Variants in CELF4 observed in about 807,000 individuals in gnomAD.
CELF4 encodes the protein CUG-BP- and ETR-3-like factor 4.
In CELF4, 18 loss-of-function variants were observed where a neutral mutation model predicts 59.9. The observed-to-expected ratio is 0.30, with a 90% CI of 0.21 to 0.45. CELF4 has a LOEUF of 0.45. CELF4 is among the 20% of genes least tolerant of loss of function. The pLI is 1.00. For missense variants in CELF4, 456 were observed against 689.0 expected (o/e 0.66, Z 3.79); for synonymous variants, 261 against 267.1 (o/e 0.98, Z 0.22).
At chr18:37,412,602 G>T (rs764070332) in intron 2 of CELF4, among the ~76,000 whole-genome samples, 4 of 152,080 alleles carry the variant, frequency 2.6e-5, no homozygotes, top group Non-Finnish European at 5.9e-5. Flanking sequence ...GGGTACGTGT[G>T]TGTGGATGGG....
In CELF4 at chr18:37,392,657, G is replaced by A. The variant is rs566639597; in HGVS notation, c.370-70776C>T. The stretch of plus-strand genomic sequence containing the variant: ...CTCCCTAGCAGACCATTTAATTCCT[G>A]GTCCCCAAAGCATTGGACCCAAATG... On this transcript the variant is annotated intron_variant, in intron 2 of 12. Transcript: ENST00000420428. 6.6e-5 allele frequency among the ~76,000 whole-genome samples: 10 copies of A among 152,276 alleles called. No homozygotes were observed. The South Asian group carries it at 2.1e-3, about 32-fold the overall frequency.
intron 1 of CELF4, among the ~76,000 whole-genome samples, chr18:37,511,015 A>G (rs531404000): frequency 1.3e-5 from 2 of 152,224 alleles, no homozygotes; most frequent in South Asian, 2.1e-4. Context: ...CCTCCTGGTC[A>G]TCACCATCCC....
chr18:37,440,385 C>T (rs929603020), intron 2 of CELF4, among the ~76,000 whole-genome samples: 4 of 152,184 alleles, frequency 2.6e-5, no homozygotes, highest in Non-Finnish European at 5.9e-5. Context: ...GCCTTGCTGG[C>T]CATGGCTGGG....
In CELF4 at chr18:37,323,502, G is replaced by A. The variant is rs549902558; in HGVS notation, c.370-1621C>T. ...CTTTGAGGGAAAGATCCAGAAGGCC[G>A]CCCAGGCATCTGGCTATGGGAGAGG... On this transcript the variant is annotated intron_variant, in intron 2 of 12. Coordinates refer to ENST00000420428, the MANE Select transcript of CELF4 (RefSeq NM_020180.4). Among the ~76,000 whole-genome samples the A allele has an allele frequency of 1.2e-4, 19 of 152,280 alleles. No individual in the cohort carries two copies. In the East Asian group the frequency reaches 1.4e-3, roughly 11 times the overall value.
At chr18:37,384,845 C>T (rs907030500) in intron 2 of CELF4, among the ~76,000 whole-genome samples, 2 of 152,186 alleles carry the variant, frequency 1.3e-5, no homozygotes, top group African/African-American at 4.8e-5. Context: ...TCACACAGGT[C>T]ACCCAGTGAG....
chr18:37,499,434 C>A (rs2099928953), intron 1 of CELF4, among the ~76,000 whole-genome samples: 2 of 151,832 alleles, frequency 1.3e-5, no homozygotes. Flanking sequence ...TTACAGGAGG[C>A]AGATCTCCAC....
At chr18:37,456,449 C>T (rs1244304371) in intron 2 of CELF4, among the ~76,000 whole-genome samples, 1 of 152,140 alleles carries the variant, frequency 6.6e-6, no homozygotes, top group Non-Finnish European at 1.5e-5. Flanking sequence ...GGTTAACAAC[C>T]TGCCTTGTCC....
chr18:37,450,947 G>A (rs536531449), intron 2 of CELF4, among the ~76,000 whole-genome samples: 1 of 152,288 alleles, frequency 6.6e-6, no homozygotes, highest in Admixed American at 6.5e-5. Flanking sequence ...TTCACTTGTG[G>A]ACCTGCCAAA....
At chr18:37,518,392 C>A (rs564327528) in intron 1 of CELF4, among the ~76,000 whole-genome samples, 1 of 152,186 alleles carries the variant, frequency 6.6e-6, no homozygotes, top group Admixed American at 6.5e-5. Flanking sequence ...TGTTTATCCT[C>A]CCCTGAACGA....
chr18:37,512,626 C>G (rs1480722577), intron 1 of CELF4, among the ~76,000 whole-genome samples: 1 of 151,646 alleles, frequency 6.6e-6, no homozygotes, highest in Non-Finnish European at 1.5e-5. Context: ...TCCTCCTCCT[C>G]TTTGTCCTCT....
At chr18:37,261,473 A>G (rs2074427271) in intron 10 of CELF4, among the ~76,000 whole-genome samples, 2 of 152,196 alleles carry the variant, frequency 1.3e-5, no homozygotes, top group South Asian at 4.1e-4. Context: ...ATGACTCTCT[A>G]GCCCAGGCCT....
chr18:37,424,922 C>G (rs572846856), intron 2 of CELF4, among the ~76,000 whole-genome samples: 5 of 152,300 alleles, frequency 3.3e-5, no homozygotes, highest in Admixed American at 1.3e-4. Context: ...CTAAGCACAT[C>G]CTCTCTCCTG....
intron 6 of CELF4, chr18:37,273,409 G>C: frequency 2.4e-6 from 3 of 1,251,830 alleles, no homozygotes; most frequent in Non-Finnish European, 3.0e-6. Context: ...CAAAGTTGTT[G>C]CTAGGGGCAG....
chr18:37,312,757 C>T (rs2096721661), intron 3 of CELF4, among the ~76,000 whole-genome samples: 2 of 152,136 alleles, frequency 1.3e-5, no homozygotes, highest in African/African-American at 2.4e-5. Flanking sequence ...CTGCCCACCC[C>T]CCAGGCCTAG....
rs2099928514 is a variant in CELF4, at chr18:37,499,087, A to C, written c.287-13480T>G. Among the ~76,000 whole-genome samples, 3 of 152,288 alleles carry C rather than the reference A, an allele frequency of 2.0e-5. No individual in the cohort carries two copies. The South Asian group carries it at 6.2e-4, about 32-fold the overall frequency. On this transcript the variant is annotated intron_variant, in intron 1 of 12. Transcript: ENST00000420428. ...GGACCTGTGTGTGTTCTTTGGTTAT[A>C]ACCACACTCATACACACTCATAGGG...
chr18:37,425,320 T>C (rs1448619853), intron 2 of CELF4, among the ~76,000 whole-genome samples: 1 of 152,238 alleles, frequency 6.6e-6, no homozygotes, highest in Non-Finnish European at 1.5e-5. Flanking sequence ...CATTAATGTA[T>C]CTGCTTTGGA....
chr18:37,432,193 T>A (rs948513022), intron 2 of CELF4, among the ~76,000 whole-genome samples: 12 of 152,212 alleles, frequency 7.9e-5, no homozygotes, highest in Non-Finnish European at 1.6e-4. Flanking sequence ...ACTGATGGCC[T>A]CTGCCCCTCA....
At chr18:37,259,630 G>A (rs912976343) in intron 10 of CELF4, among the ~76,000 whole-genome samples, 9 of 152,260 alleles carry the variant, frequency 5.9e-5, no homozygotes, top group East Asian at 1.9e-4. Context: ...CAGGAGATCC[G>A]GGAGGCCTCC....
At chr18:37,536,789 A>AG (rs2099973863) in intron 1 of CELF4, among the ~76,000 whole-genome samples, 1 of 152,102 alleles carries the variant, frequency 6.6e-6, no homozygotes, top group African/African-American at 2.4e-5. Context: ...GCTCGTGTGC[A>AG]GGCGGCCCAG....
Sources: allele counts gnomAD v4.1 joint callset (sites outside exome capture counted in the v4.1 genomes callset), GRCh38; gene constraint gnomAD v4.1.1; transcripts MANE v1.5; gene names NCBI Gene and HGNC (gene_info 2026-07-23, HGNC 2026-07-21).